The following RECK variants were observed in gnomAD, a reference collection of about 807,000 sequenced individuals.
RECK encodes reversion inducing cysteine rich protein with kazal motifs.
A neutral mutation model predicts 115.1 loss-of-function variants in RECK; 69 were observed. That is an observed-to-expected ratio of 0.60 (90% CI 0.49 to 0.73). The LOEUF (loss-of-function observed/expected upper bound fraction) is 0.73, where lower values mean the gene tolerates loss of function less well. RECK is among the 30% of genes least tolerant of loss of function. RECK has a pLI of 0.00. For synonymous variants in RECK, 414 were observed against 419.7 expected (o/e 0.99, Z 0.17); for missense variants, 1,047 against 1,203.7 (o/e 0.87, Z 1.93).
intron 18 of RECK, 92 bp downstream of exon 18, chr9:36,119,059 T>TA (rs1824369302): frequency 7.8e-7 from 1 of 1,283,872 alleles, no homozygotes; most frequent in Non-Finnish European, 1.1e-6. Context: ...AGAGCTCATT[T>TA]ACGTTTTTCA....
intron 15 of RECK, among the ~76,000 whole-genome samples, chr9:36,110,829 G>A (rs746261953): frequency 6.6e-6 from 1 of 151,870 alleles, no homozygotes; most frequent in African/African-American, 2.4e-5. Context: ...AGAAGTGGAG[G>A]AGAGGAGAGT....
At chr9:36,086,360 CG>C (rs1822959578) in intron 8 of RECK, among the ~76,000 whole-genome samples, 1 of 151,802 alleles carries the variant, frequency 6.6e-6, no homozygotes, top group Non-Finnish European at 1.5e-5. Context: ...CAGACCTTCG[CG>C]TGAGTGTTAC....
chr9:36,054,705 T>A (rs974203789), intron 2 of RECK, among the ~76,000 whole-genome samples: 3 of 152,124 alleles, frequency 2.0e-5, no homozygotes, highest in African/African-American at 7.2e-5. Context: ...AAAAATTTTT[T>A]AATAAAAATA....
chr9:36,081,405 C>A (rs191143946), intron 7 of RECK, among the ~76,000 whole-genome samples: 2 of 152,240 alleles, frequency 1.3e-5, no homozygotes, highest in East Asian at 3.9e-4. Context: ...GTGAAAAAGC[C>A]AGCTGAATGG....
chr9:36,101,032 C>T (rs7856331), intron 11 of RECK, among the ~76,000 whole-genome samples: 3,781 of 151,318 alleles, frequency 0.025, 171 homozygotes, highest in African/African-American at 0.085. Context: ...AGTGGCATGA[C>T]CTCAGCTCAC....
chr9:36,041,484 A>G (rs1441921418), intron 1 of RECK, among the ~76,000 whole-genome samples: 1 of 152,210 alleles, frequency 6.6e-6, no homozygotes. Flanking sequence ...TTTCATAATG[A>G]TCAATGTCTA....
At chr9:36,080,894 T>C (rs1822655560) in intron 7 of RECK, among the ~76,000 whole-genome samples, 1 of 152,214 alleles carries the variant, frequency 6.6e-6, no homozygotes, top group Admixed American at 6.5e-5. Flanking sequence ...AATGTAGCAC[T>C]TGCCGAGTGC....
In RECK at chr9:36,052,350, C is replaced by T. The variant is rs763846920; in HGVS notation, c.159+27C>T. The T allele has an allele frequency of 5.2e-6, 8 of 1,528,890 alleles. No individual in the cohort carries two copies. In the Middle Eastern group the frequency reaches 6.8e-4, roughly 131 times the overall value. The allele number at this position is 1,528,890 out of a possible 1,614,324, so 94.7% of individuals were successfully genotyped here. A position where few individuals can be genotyped will look rare whatever the true frequency, so the allele number is the denominator to read the frequency against. Reference sequence around the variant, plus strand: ...TAAGATTACATAATAATTACAGAGGCAGCCAGACACAGTGGTTCATGCCTG... The same window carrying T: ...TAAGATTACATAATAATTACAGAGGTAGCCAGACACAGTGGTTCATGCCTG... On this transcript the variant is annotated intron_variant, in intron 2 of 20. Coordinates refer to ENST00000377966, the MANE Select transcript of RECK (RefSeq NM_021111.3).
intron 13 of RECK, among the ~76,000 whole-genome samples, chr9:36,106,326 C>CT (rs1293955008): frequency 2.0e-5 from 3 of 151,532 alleles, no homozygotes; most frequent in African/African-American, 7.3e-5. Flanking sequence ...CCTCTACCTC[C>CT]TGGGCTCAAG....
rs1588253164 is a variant in RECK, at chr9:36,037,100, T to A, written c.100+2T>A. 2 of 1,315,228 alleles carry A rather than the reference T, an allele frequency of 1.5e-6. No individual in the cohort carries two copies. Among genetic ancestry groups the A allele is most frequent in the African/African-American group, 3.1e-5 (2 of 63,832 alleles). 81.5% of individuals were successfully genotyped at this position (1,315,228 alleles called of 1,614,324 possible). ...GGGGCCTGGCTCCGGGCAGTGCGGGTGAGTAACCTCCAGAGCAACGGTTCG... is the reference window on the plus strand; with the variant it reads ...GGGGCCTGGCTCCGGGCAGTGCGGGAGAGTAACCTCCAGAGCAACGGTTCG... On this transcript the variant is annotated splice_donor_variant, in intron 1 of 20. Coordinates refer to ENST00000377966, the MANE Select transcript of RECK (RefSeq NM_021111.3). LOFTEE classifies it high-confidence loss of function.
At chr9:36,075,390 A>T (rs117602603) in intron 6 of RECK, among the ~76,000 whole-genome samples, 2,409 of 152,292 alleles carry the variant, frequency 0.016, 49 homozygotes, top group East Asian at 0.061. Context: ...TGAGCAGTCT[A>T]GACCTATAAA....
At chr9:36,060,653 C>CTT (rs889712522) in intron 4 of RECK, among the ~76,000 whole-genome samples, 1 of 146,624 alleles carries the variant, frequency 6.8e-6, no homozygotes, top group African/African-American at 2.5e-5. Flanking sequence ...TCTGCCTTGC[C>CTT]TTTTTTTTTT....
chr9:36,079,970 G>C (rs914646843), intron 6 of RECK, among the ~76,000 whole-genome samples: 2 of 152,070 alleles, frequency 1.3e-5, no homozygotes, highest in Non-Finnish European at 2.9e-5. Context: ...TCTATTACCT[G>C]GGGCGGGTCT....
chr9:36,046,920 C>G (rs1821090200), intron 1 of RECK, among the ~76,000 whole-genome samples: 1 of 152,168 alleles, frequency 6.6e-6, no homozygotes, highest in Non-Finnish European at 1.5e-5. Flanking sequence ...AGTAAGACCT[C>G]TGTTAGTGGA....
chr9:36,106,393 C>A lies in RECK; in HGVS notation c.1576+1110C>A, dbSNP rs376754588. Among the ~76,000 whole-genome samples, 9 of 151,652 alleles carry A rather than the reference C, an allele frequency of 5.9e-5. No homozygotes were observed. The East Asian group carries it at 1.6e-3, about 27-fold the overall frequency. ...GGGATTACAGGCACCCACCACCATGCCCAGCTAATTTTTGCATTTTTAGTA... is the reference window on the plus strand; with the variant it reads ...GGGATTACAGGCACCCACCACCATGACCAGCTAATTTTTGCATTTTTAGTA... On this transcript the variant is annotated intron_variant, in intron 13 of 20. Transcript: ENST00000377966.
chr9:36,060,034 G>T, intron 3 of RECK, 85 bp from the exon 4 acceptor site: 1 of 1,234,606 alleles, frequency 8.1e-7, no homozygotes. Context: ...AATCAAATTA[G>T]CTGTTCATAA....
At chr9:36,054,334 G>A (rs1821432606) in intron 2 of RECK, among the ~76,000 whole-genome samples, 2 of 152,064 alleles carry the variant, frequency 1.3e-5, no homozygotes, top group African/African-American at 4.8e-5. Context: ...TGAAGATAGG[G>A]ATTTGGAATT....
chr9:36,066,271 A>C (rs1821992757), intron 6 of RECK, among the ~76,000 whole-genome samples: 1 of 152,102 alleles, frequency 6.6e-6, no homozygotes, highest in South Asian at 2.1e-4. Context: ...CATTGGGGCT[A>C]CTTTGTTCAT....
chr9:36,053,313 A>G (rs980197821), intron 2 of RECK, among the ~76,000 whole-genome samples: 1 of 152,218 alleles, frequency 6.6e-6, no homozygotes, highest in Non-Finnish European at 1.5e-5. Context: ...CACTCGAGAA[A>G]CAATAGTCTC....
Sources: gnomAD v4.1 joint callset for allele counts (sites outside exome capture counted in the v4.1 genomes callset) on GRCh38, gnomAD v4.1.1 for gene constraint, MANE v1.5 for transcripts, NCBI Gene and HGNC (gene_info 2026-07-23, HGNC 2026-07-21) for gene names.